GRM7: variants seen among roughly 807,000 people sequenced by gnomAD.
The protein encoded by GRM7 is metabotropic glutamate receptor 7.
GRM7 carries 35 observed loss-of-function variants against 84.5 expected under a neutral mutation model. The ratio of observed to expected loss-of-function variants is 0.41; its 90% CI spans 0.32 to 0.55. The LOEUF (loss-of-function observed/expected upper bound fraction) is 0.55. Ranked by LOEUF, GRM7 falls within the 20% of genes least tolerant of loss-of-function variation. The pLI is 0.19. For missense variants in GRM7, 1,003 were observed against 1,194.6 expected, an observed-to-expected ratio of 0.84 and a Z score of 2.36; for synonymous variants, 487 against 455.1, an observed-to-expected ratio of 1.07 and a Z score of -0.89.
At chr3:7,319,630 A>G (rs75425070) in intron 4 of GRM7, among the ~76,000 whole-genome samples, 2,117 of 152,138 alleles carry the variant, frequency 0.014, 57 homozygotes, top group African/African-American at 0.048. Context: ...TCTAGGACTG[A>G]TTTACTATTT....
intron 2 of GRM7, among the ~76,000 whole-genome samples, chr3:7,221,613 A>G (rs1372639781): frequency 6.6e-6 from 1 of 151,610 alleles, no homozygotes; most frequent in Non-Finnish European, 1.5e-5. Context: ...AATATTGTAT[A>G]GTTTCTTTTT....
Position 7,211,737 on chromosome 3 carries a change from A to T in GRM7, c.736+65069A>T, listed in dbSNP as rs149029828. 1.3e-4 allele frequency among the ~76,000 whole-genome samples: 20 copies of T among 152,092 alleles called. No individual in the cohort carries two copies. In the East Asian group the frequency reaches 3.7e-3, roughly 28 times the overall value. ...AATAGCTACAAAAGGCAAGTACCAG[A>T]AGAAATTCATTTTGCACTTTAGGGT... On this transcript the variant is annotated intron_variant, in intron 2 of 9. Transcript: ENST00000357716.
intron 2 of GRM7, among the ~76,000 whole-genome samples, chr3:7,207,410 T>C (rs1448672612): frequency 1.3e-5 from 2 of 152,202 alleles, no homozygotes; most frequent in African/African-American, 2.4e-5. Context: ...TTTCATTTAA[T>C]GCCATCTTCC....
intron 2 of GRM7, among the ~76,000 whole-genome samples, chr3:7,177,006 G>A (rs115446796): frequency 1.3e-3 from 199 of 152,280 alleles, no homozygotes; most frequent in African/African-American, 4.6e-3. Flanking sequence ...CTAAGTTCCA[G>A]CCAGAGTAAG....
Position 7,487,020 on chromosome 3 carries a change from A to C in GRM7, c.1515+25298A>C, listed in dbSNP as rs192317708. Among the ~76,000 whole-genome samples, 38 of 152,332 alleles carry C rather than the reference A, an allele frequency of 2.5e-4. 1 individual carries two copies. In the East Asian group the frequency reaches 7.3e-3, roughly 29 times the overall value. On this transcript the variant is annotated intron_variant, in intron 7 of 9. Coordinates refer to ENST00000357716, the MANE Select transcript of GRM7 (RefSeq NM_000844.4). ...ATAGACAGTGAAGGTCATTCTAATGAAGTCTTAGATAAAAATAAGGAGTAT... is the reference window on the plus strand; with the variant it reads ...ATAGACAGTGAAGGTCATTCTAATGCAGTCTTAGATAAAAATAAGGAGTAT...
intron 2 of GRM7, among the ~76,000 whole-genome samples, chr3:7,203,963 G>A (rs554765866): frequency 6.6e-6 from 1 of 152,248 alleles, no homozygotes; most frequent in South Asian, 2.1e-4. Flanking sequence ...AGTTATATGG[G>A]AACAGGTTTT....
chr3:7,033,682 C>G (rs1464920722), intron 1 of GRM7, among the ~76,000 whole-genome samples: 2 of 152,140 alleles, frequency 1.3e-5, no homozygotes, highest in Non-Finnish European at 2.9e-5. Context: ...TCTCCTTTCT[C>G]TATGCCTAAA....
chr3:6,905,249 T>C (rs991059679), intron 1 of GRM7, among the ~76,000 whole-genome samples: 3 of 152,230 alleles, frequency 2.0e-5, no homozygotes, highest in Admixed American at 2.0e-4. Flanking sequence ...AACTAGTGTG[T>C]ATTTCCTTTA....
intron 1 of GRM7, among the ~76,000 whole-genome samples, chr3:6,959,876 A>G (rs1203683970): frequency 6.6e-6 from 1 of 152,140 alleles, no homozygotes; most frequent in Non-Finnish European, 1.5e-5. Flanking sequence ...TGAGTAACAA[A>G]TGGAAACTCA....
chr3:7,552,361 G>T (rs1198077125), intron 7 of GRM7, among the ~76,000 whole-genome samples: 1 of 152,176 alleles, frequency 6.6e-6, no homozygotes, highest in Non-Finnish European at 1.5e-5. Context: ...AATGCAAACT[G>T]TTGGTTGATC....
intron 7 of GRM7, chr3:7,559,176 C>G (rs1031439344): frequency 7.4e-5 from 11 of 148,260 alleles, no homozygotes; most frequent in African/African-American, 2.8e-4. Flanking sequence ...ACCAAGGGGC[C>G]TTGCACTGAG....
intron 1 of GRM7, among the ~76,000 whole-genome samples, chr3:6,947,809 G>C (rs62235445): frequency 0.073 from 11,044 of 152,058 alleles, 542 homozygotes; most frequent in Non-Finnish European, 0.11. Context: ...AGGAATTTAT[G>C]CATTTCTTCT....
rs995052375 is a variant in GRM7, at chr3:7,420,954, T to G, written c.1174+5791T>G. Among the ~76,000 whole-genome samples the G allele has an allele frequency of 3.4e-4, 52 of 152,178 alleles. 1 individual carries two copies. Among genetic ancestry groups the G allele is most frequent in the Non-Finnish European group, 6.3e-4 (43 of 68,018 alleles). On this transcript the variant is annotated intron_variant, in intron 5 of 9. Coordinates refer to ENST00000357716, the MANE Select transcript of GRM7 (RefSeq NM_000844.4). ...TCACATCTAAAATCCTCATTGTTTTTGGGACACCTCTTTAAATCCTTTTTG... is the reference window on the plus strand; with the variant it reads ...TCACATCTAAAATCCTCATTGTTTTGGGGACACCTCTTTAAATCCTTTTTG...
At chr3:7,693,960 A>T (rs1445411732) in intron 9 of GRM7, among the ~76,000 whole-genome samples, 2 of 152,112 alleles carry the variant, frequency 1.3e-5, no homozygotes, top group Non-Finnish European at 2.9e-5. Context: ...AGAGATCCCT[A>T]CTGTGATCTA....
intron 8 of GRM7, among the ~76,000 whole-genome samples, chr3:7,601,359 C>T (rs1460625209): frequency 6.6e-6 from 1 of 152,032 alleles, no homozygotes; most frequent in Non-Finnish European, 1.5e-5. Flanking sequence ...ACCTTAAGAA[C>T]CTCTACATTA....
intron 1 of GRM7, among the ~76,000 whole-genome samples, chr3:7,065,440 A>C (rs1697621345): frequency 6.6e-6 from 1 of 151,850 alleles, no homozygotes; most frequent in Non-Finnish European, 1.5e-5. Flanking sequence ...CATTTGTTGA[A>C]AAGGGTATCC....
chr3:7,156,875 TC>T (rs1204196027), intron 2 of GRM7, among the ~76,000 whole-genome samples: 1 of 151,922 alleles, frequency 6.6e-6, no homozygotes, highest in Non-Finnish European at 1.5e-5. Context: ...GATATTCAAA[TC>T]ACTTTTTCAA....
intron 1 of GRM7, among the ~76,000 whole-genome samples, chr3:6,875,706 C>T (rs570099808): frequency 1.4e-4 from 22 of 152,190 alleles, no homozygotes; most frequent in African/African-American, 4.6e-4. Context: ...TTGATTATGT[C>T]GTTGACTTAT....
At chr3:7,159,805 C>T (rs1371082968) in intron 2 of GRM7, among the ~76,000 whole-genome samples, 1 of 152,128 alleles carries the variant, frequency 6.6e-6, no homozygotes, top group Non-Finnish European at 1.5e-5. Context: ...ACGTCTCCTA[C>T]TTTTCAAAAT....
Sources: allele counts gnomAD v4.1 joint callset (sites outside exome capture counted in the v4.1 genomes callset), GRCh38; gene constraint gnomAD v4.1.1; transcripts MANE v1.5; gene names NCBI Gene and HGNC (gene_info 2026-07-23, HGNC 2026-07-21).